Variants in CORIN observed in about 807,000 individuals in gnomAD.
The protein encoded by CORIN is corin, serine peptidase.
In CORIN, 117 loss-of-function variants were observed where a neutral mutation model predicts 125.3. The observed-to-expected ratio is 0.93, with a 90% confidence interval of 0.80 to 1.09. CORIN has a LOEUF of 1.09. Ranked by LOEUF, CORIN falls within the 50% of genes least tolerant of loss-of-function variation. CORIN has a pLI of 0.00. For missense variants in CORIN, 1,253 were observed against 1,306.7 expected (o/e 0.96, Z 0.63); for synonymous variants, 450 against 466.4 (o/e 0.96, Z 0.45).
intron 1 of CORIN, among the ~76,000 whole-genome samples, chr4:47,814,105 C>A (rs2109963341): frequency 6.6e-6 from 1 of 152,160 alleles, no homozygotes; most frequent in Non-Finnish European, 1.5e-5. Flanking sequence ...TACCTTAATT[C>A]TTTAGGTAGG....
chr4:47,740,943 A>T lies in CORIN; in HGVS notation c.799+3459T>A, dbSNP rs555921712. Among the ~76,000 whole-genome samples, 13 of 152,098 alleles carry T rather than the reference A, an allele frequency of 8.5e-5. No individual in the cohort carries two copies. In the East Asian group the frequency reaches 2.3e-3, roughly 27 times the overall value. ...GACTCCTACTTCACAACATACAGAA[A>T]AGTTAATTTAAAATGGATCAATGAC... On this transcript the variant is annotated intron_variant, in intron 5 of 21. Coordinates refer to ENST00000273857, the MANE Select transcript of CORIN (RefSeq NM_006587.4).
At chr4:47,768,124 C>T (rs1201596835) in intron 3 of CORIN, among the ~76,000 whole-genome samples, 3 of 152,150 alleles carry the variant, frequency 2.0e-5, no homozygotes, top group Non-Finnish European at 2.9e-5. Context: ...CCTTGTGACC[C>T]CCATCCCTGC....
At chr4:47,645,237 G>T (rs1723414459) in intron 13 of CORIN, 43 bp from the exon 14 acceptor site, 2 of 1,151,224 alleles carry the variant, frequency 1.7e-6, no homozygotes, top group Non-Finnish European at 2.6e-6. Context: ...ACGTGGAATT[G>T]AAAATAATGA....
At chr4:47,805,066 G>T (rs1251109243) in intron 2 of CORIN, among the ~76,000 whole-genome samples, 1 of 148,654 alleles carries the variant, frequency 6.7e-6, no homozygotes, top group African/African-American at 2.5e-5. Flanking sequence ...AACCCAGGAG[G>T]CAGAGCTTGC....
intron 11 of CORIN, 58 bp from the exon 12 acceptor site, chr4:47,661,914 T>A (rs1054965294): frequency 4.7e-6 from 7 of 1,495,322 alleles, no homozygotes; most frequent in Non-Finnish European, 5.4e-6. Flanking sequence ...CTGAGACAGA[T>A]GTCATAAATT....
intron 3 of CORIN, among the ~76,000 whole-genome samples, chr4:47,781,906 C>T (rs1422186259): frequency 1.3e-5 from 2 of 151,784 alleles, no homozygotes; most frequent in Admixed American, 1.3e-4. Context: ...CCACTGCACT[C>T]CAGCCTGGGC....
At chr4:47,622,863 A>T (rs539396724) in intron 19 of CORIN, among the ~76,000 whole-genome samples, 1 of 152,034 alleles carries the variant, frequency 6.6e-6, no homozygotes, top group East Asian at 1.9e-4. Flanking sequence ...TTTGTTTGTC[A>T]TCATTGTTTT....
intron 1 of CORIN, among the ~76,000 whole-genome samples, chr4:47,831,005 T>C (rs1024116897): frequency 1.3e-5 from 2 of 152,222 alleles, no homozygotes; most frequent in Admixed American, 6.5e-5. Context: ...GACACCAAAA[T>C]GGTCTTCGCA....
At chr4:47,667,113 T>G (rs559208402) in intron 10 of CORIN, among the ~76,000 whole-genome samples, 69 of 152,318 alleles carry the variant, frequency 4.5e-4, no homozygotes, top group Non-Finnish European at 8.1e-4. Flanking sequence ...TCACAAAATC[T>G]GATGATTTTA....
At chr4:47,632,435 TG>T (rs771911151) in intron 16 of CORIN, 19 of 152,228 alleles carry the variant, frequency 1.2e-4, no homozygotes, top group Non-Finnish European at 2.1e-4. Context: ...TCTTGAATCT[TG>T]TCATATTCTC....
At chr4:47,799,774 G>A (rs560736364) in intron 2 of CORIN, among the ~76,000 whole-genome samples, 1 of 152,108 alleles carries the variant, frequency 6.6e-6, no homozygotes, top group Admixed American at 6.6e-5. Context: ...AAGTGAAAAT[G>A]TATGTCCCCA....
chr4:47,714,620 G>A (rs1350674340), intron 5 of CORIN, among the ~76,000 whole-genome samples: 1 of 150,116 alleles, frequency 6.7e-6, no homozygotes, highest in Non-Finnish European at 1.5e-5. Context: ...ACTTTGTGAT[G>A]CATACAGTTT....
chr4:47,708,510 AT>A (rs1322539975), intron 5 of CORIN, among the ~76,000 whole-genome samples: 1 of 152,122 alleles, frequency 6.6e-6, no homozygotes. Flanking sequence ...TTCAATTTCC[AT>A]TGCCACATAA....
intron 11 of CORIN, among the ~76,000 whole-genome samples, chr4:47,664,153 T>C (rs1724369865): frequency 6.6e-6 from 1 of 152,210 alleles, no homozygotes; most frequent in Non-Finnish European, 1.5e-5. Flanking sequence ...AAAACAGCAC[T>C]GAAGAGAGTA....
At chr4:47,833,752 A>G (rs1733202471) in intron 1 of CORIN, among the ~76,000 whole-genome samples, 1 of 152,172 alleles carries the variant, frequency 6.6e-6, no homozygotes. Context: ...AAAAAGACCT[A>G]AATAGACATT....
chr4:47,631,473 C>G lies in CORIN; in HGVS notation c.2199-4952G>C, dbSNP rs1722803749. ...GCGTGCTTCTTATGGGAATCAAATG[C>G]CTGATGATCTGTCACTGTCTCCCAT... On this transcript the variant is annotated intron_variant, in intron 16 of 21. Transcript: ENST00000273857. 2.0e-5 allele frequency among the ~76,000 whole-genome samples: 3 copies of G among 151,608 alleles called. No individual in the cohort carries two copies. In the South Asian group the frequency reaches 6.3e-4, roughly 32 times the overall value.
rs766040829 is a variant in CORIN at position 47,626,390 on chromosome 4, T to C, written c.2315+15A>G. The C allele has an allele frequency of 7.1e-7, 1 of 1,400,328 alleles. No individual in the cohort carries two copies. The highest frequency in any genetic ancestry group is 1.2e-5 in the South Asian group (1 of 86,860). 86.7% of individuals were successfully genotyped at this position (1,400,328 alleles called of 1,614,324 possible). A position where few individuals can be genotyped will look rare whatever the true frequency, so the allele number is the denominator to read the frequency against. On this transcript the variant is annotated intron_variant, in intron 17 of 21. Coordinates refer to ENST00000273857, the MANE Select transcript of CORIN (RefSeq NM_006587.4). ...GTAATCTGACTCTACACAGCTCTTA[T>C]GAATGCATTCTTACCCATTTACTAG... is the stretch of plus-strand genomic sequence containing the variant.
At chr4:47,743,207 A>AC (rs1228897381) in intron 5 of CORIN, among the ~76,000 whole-genome samples, 3 of 151,300 alleles carry the variant, frequency 2.0e-5, no homozygotes, top group Admixed American at 1.3e-4. Context: ...GAAAAAAAAA[A>AC]CACAAAAGAA....
chr4:47,633,829 AT>A (rs1471285327), intron 16 of CORIN, among the ~76,000 whole-genome samples: 1 of 152,142 alleles, frequency 6.6e-6, no homozygotes, highest in Non-Finnish European at 1.5e-5. Flanking sequence ...AGTAGAATGT[AT>A]TTTTCTAACA....
Sources: allele counts gnomAD v4.1 joint callset (sites outside exome capture counted in the v4.1 genomes callset), GRCh38; gene constraint gnomAD v4.1.1; transcripts MANE v1.5; gene names NCBI Gene and HGNC (gene_info 2026-07-23, HGNC 2026-07-21).